TBC1D9B: variants seen among roughly 807,000 people sequenced by gnomAD.
TBC1D9B encodes TBC1 domain family, member 9B (with GRAM domain).
Under a neutral mutation model 121.1 loss-of-function variants are expected in TBC1D9B, and 87 were observed. The ratio of observed to expected loss-of-function variants is 0.72; its 90% CI spans 0.60 to 0.86. The LOEUF (loss-of-function observed/expected upper bound fraction) is 0.86. TBC1D9B is among the 40% of genes least tolerant of loss of function. The probability of loss-of-function intolerance (pLI) is 0.00; values close to 1 mark genes in which losing one functional copy is unlikely to be tolerated. For synonymous variants in TBC1D9B, 668 were observed against 670.1 expected (o/e 1.00, Z 0.05); for missense variants, 1,540 against 1,628.6 (o/e 0.95, Z 0.94).
At chr5:179,905,368 GATA>G (rs1159866366) in intron 1 of TBC1D9B, among the ~76,000 whole-genome samples, 1 of 152,188 alleles carries the variant, frequency 6.6e-6, no homozygotes, top group Admixed American at 6.5e-5. Flanking sequence ...AGAACAGAAA[GATA>G]ATGTCTCCCC....
rs1760283048 is a variant in TBC1D9B, at chr5:179,874,015, TAG to T, written c.2187-769_2187-768del. 6.6e-6 allele frequency among the ~76,000 whole-genome samples: 1 copy of T among 152,142 alleles called. No individual in the cohort carries two copies. Among genetic ancestry groups the T allele is most frequent in the African/African-American group, 2.4e-5 (1 of 41,412 alleles). On this transcript the variant is annotated intron_variant, in intron 12 of 20. Transcript: ENST00000355235. This position sits in a 1 kb window ranked among gnomAD's most constrained non-coding sequence, Gnocchi z 4.3. The stretch of plus-strand genomic sequence containing the variant: ...AGGGAGGTGACAACCCTGCTGGATC[TAG>T]AGAGTCCCAGGCAGCACCTGGCCTG...
At chr5:179,868,045 C>CTTT in intron 17 of TBC1D9B, 196 bp from the exon 18 acceptor site, 10 of 364,922 alleles carry the variant, frequency 2.7e-5, no homozygotes, top group South Asian at 9.7e-5. Flanking sequence ...CTTTCCTCAG[C>CTTT]TTTTTTTTTT....
intron 3 of TBC1D9B, 90 bp from the exon 4 acceptor site, chr5:179,894,704 C>T: frequency 1.5e-6 from 2 of 1,358,090 alleles, no homozygotes; most frequent in Non-Finnish European, 2.1e-6. Context: ...ACCCAGGACT[C>T]ATGGACCTTG....
At position 179,894,573 on chromosome 5, in the gene TBC1D9B, T is replaced by A; in HGVS notation, c.390A>T (p.Gly130=). ...CCTTGAACTTCCCGGGGTCCTCGTC[T>A]CCCTGGGGCTGCAGGTTCTTGTTCT... ...AEENKNLQPQ[G]DEDPGKFKEA... is the part of the protein sequence containing the mutation. The change falls in exon 4 of 21, where the codon GGA becomes GGT. Residue 130 remains glycine, a synonymous_variant. Transcript: ENST00000355235. 6.2e-7 allele frequency: 1 copy of A among 1,614,204 alleles called. No individual in the cohort carries two copies. Among genetic ancestry groups the A allele is most frequent in the Non-Finnish European group, 8.5e-7 (1 of 1,180,028 alleles).
rs1447413891 is a variant in TBC1D9B, at chr5:179,907,481, G to A, written c.118+223C>T. 6.6e-6 allele frequency among the ~76,000 whole-genome samples: 1 copy of A among 151,220 alleles called. No homozygotes were observed. Among genetic ancestry groups the A allele is most frequent in the Non-Finnish European group, 1.5e-5 (1 of 67,514 alleles). ...GCCGACCTGAGGAGAGCCCGCCGAGGGCGCATTCGCCTCCCGCCAGCCCCT... is the reference window on the plus strand; with the variant it reads ...GCCGACCTGAGGAGAGCCCGCCGAGAGCGCATTCGCCTCCCGCCAGCCCCT... On this transcript the variant is annotated intron_variant, in intron 1 of 20. Transcript: ENST00000355235. This position sits in a 1 kb window ranked among gnomAD's most constrained non-coding sequence, Gnocchi z 5.3.
At position 179,907,809 on chromosome 5, in the gene TBC1D9B, G is replaced by T; in HGVS notation, c.13C>A (p.Pro5Thr). The T allele has an allele frequency of 8.4e-7, 1 of 1,196,480 alleles. No individual in the cohort carries two copies. 74.1% of individuals were successfully genotyped at this position (1,196,480 alleles called of 1,614,324 possible). ...GCATTGGCCACCAGCACCTCCTCCG[G>T]GCTCAGCCACATCGCGGAGCCGCTC... is the stretch of plus-strand genomic sequence containing the variant. Reference protein sequence around the residue: MWLSPEEVLVANALW... With the variant: MWLSTEEVLVANALW... The change falls in exon 1 of 21, where the codon CCG becomes ACG. Residue 5 changes from proline to threonine, a missense_variant. Coordinates refer to ENST00000355235, the MANE Select transcript of TBC1D9B (RefSeq NM_015043.4). The surrounding 1 kb of genome is among the most constrained non-coding windows in gnomAD (Gnocchi z 5.3).
intron 18 of TBC1D9B, chr5:179,867,335 G>A (rs1232602842): frequency 2.8e-5 from 34 of 1,234,026 alleles, no homozygotes; most frequent in Non-Finnish European, 3.8e-5. Context: ...TTATGCCCCA[G>A]AGGATGAAGT....
Position 179,891,594 on chromosome 5 carries a change from A to G in TBC1D9B, c.837-8T>C. 1 of 1,611,602 alleles carries G rather than the reference A, an allele frequency of 6.2e-7. No homozygotes were observed. The highest frequency in any genetic ancestry group is 1.1e-5 in the South Asian group (1 of 91,016). On this transcript the variant is annotated splice_region_variant and splice_polypyrimidine_tract_variant and intron_variant, in intron 5 of 20. Coordinates refer to ENST00000355235, the MANE Select transcript of TBC1D9B (RefSeq NM_015043.4). The surrounding 1 kb of genome is among the most constrained non-coding windows in gnomAD (Gnocchi z 4.3). ...GCTCGGGCGTCCAGGTCTCTGGGGA[A>G]ACAAGGTAGGAGGACAGGAGGAAAG...
intron 17 of TBC1D9B, chr5:179,869,141 C>T (rs1169319847): frequency 6.9e-5 from 12 of 173,116 alleles, no homozygotes; most frequent in East Asian, 5.0e-4. Flanking sequence ...GATGGCAAAG[C>T]GACAGCAGGG....
chr5:179,880,125 G>A, intron 7 of TBC1D9B: 1 of 328,840 alleles, frequency 3.0e-6, no homozygotes, highest in Non-Finnish European at 5.6e-6. Flanking sequence ...TAACGTGGAG[G>A]CACACCCCTG....
chr5:179,865,243 G>T lies in TBC1D9B; in HGVS notation c.3021+11C>A. The T allele has an allele frequency of 6.2e-7, 1 of 1,611,406 alleles. No individual in the cohort carries two copies. The highest frequency in any genetic ancestry group is 8.5e-7 in the Non-Finnish European group (1 of 1,177,482). ...CCAGAAATGTCTACTGTGGGCTCCA[G>T]TGGAGCCTACCTGGTTCATCTTGGG... On this transcript the variant is annotated intron_variant, in intron 20 of 20. Coordinates refer to ENST00000355235, the MANE Select transcript of TBC1D9B (RefSeq NM_015043.4). This position sits in a 1 kb window ranked among gnomAD's most constrained non-coding sequence, Gnocchi z 5.1.
At chr5:179,899,514 C>G (rs1238967043) in intron 2 of TBC1D9B, among the ~76,000 whole-genome samples, 1 of 152,176 alleles carries the variant, frequency 6.6e-6, no homozygotes. Flanking sequence ...AATTAAACGT[C>G]CAGGCTGAAT....
At chr5:179,867,293 G>T in intron 18 of TBC1D9B, 1 of 831,836 alleles carries the variant, frequency 1.2e-6, no homozygotes, top group Non-Finnish European at 1.9e-6. Flanking sequence ...GCGGTGCAGA[G>T]GAGTGGCTTG....
At chr5:179,864,642 C>T (rs1561631005) in intron 20 of TBC1D9B, among the ~76,000 whole-genome samples, 2 of 152,144 alleles carry the variant, frequency 1.3e-5, no homozygotes, top group Admixed American at 1.3e-4. Flanking sequence ...CACGTCTAGG[C>T]CTCCTGGCCC....
chr5:179,899,635 T>C (rs1013251911), intron 2 of TBC1D9B, among the ~76,000 whole-genome samples: 3 of 152,218 alleles, frequency 2.0e-5, no homozygotes, highest in Non-Finnish European at 2.9e-5. Flanking sequence ...GCTTGCTAAC[T>C]TACACTTTTC....
intron 3 of TBC1D9B, among the ~76,000 whole-genome samples, chr5:179,897,756 C>T (rs1176796925): frequency 6.6e-6 from 1 of 152,230 alleles, no homozygotes; most frequent in East Asian, 1.9e-4. Flanking sequence ...TTATTATCAT[C>T]GCCCAATTGC....
Position 179,865,290 on chromosome 5 carries a change from C to T in TBC1D9B, c.2985G>A (p.Gln995=), listed in dbSNP as rs776974848. 2 of 1,614,182 alleles carry T rather than the reference C, an allele frequency of 1.2e-6. No homozygotes were observed. The highest frequency in any genetic ancestry group is 1.7e-6 in the Non-Finnish European group (2 of 1,180,036). The change falls in exon 20 of 21, where the codon CAG becomes CAA. Residue 995 remains glutamine (Q), a synonymous_variant. Coordinates refer to ENST00000355235, the MANE Select transcript of TBC1D9B (RefSeq NM_015043.4). This position sits in a 1 kb window ranked among gnomAD's most constrained non-coding sequence, Gnocchi z 5.1. ...LRMWAKEKEA[Q]KETIKDLPKM... ...TGGGAAGATCCTTAATCGTCTCCTT[C>T]TGAGCCTCTTTCTCCTTGGCCCACA...
At position 179,894,461 on chromosome 5, in the gene TBC1D9B, G is replaced by C; in HGVS notation, c.502C>G (p.Arg168Gly). The C allele has an allele frequency of 6.2e-7, 1 of 1,614,160 alleles. No individual in the cohort carries two copies. The highest frequency in any genetic ancestry group is 8.5e-7 in the Non-Finnish European group (1 of 1,180,008). ...TACAGCCAGCCCTGCCGGGGCACGCGGCCCTTCCAGTAGCTGCAGGAGTAG... is the reference window on the plus strand; with the variant it reads ...TACAGCCAGCCCTGCCGGGGCACGCCGCCCTTCCAGTAGCTGCAGGAGTAG... ...NYYSCSYWKG[R>G]VPRQGWLYLT... is the part of the protein sequence containing the mutation. The change falls in exon 4 of 21, where the codon CGC (arginine) becomes GGC (glycine). Residue 168 changes from arginine (R) to glycine (G), a missense_variant. By Grantham distance (125) the Arg-to-Gly change is moderately radical (BLOSUM62 -2). Coordinates refer to ENST00000355235, the MANE Select transcript of TBC1D9B (RefSeq NM_015043.4).
At position 179,863,954 on chromosome 5, in the gene TBC1D9B, C is replaced by T. The variant is rs541008254; in HGVS notation, c.3196G>A (p.Glu1066Lys). 1.6e-4 allele frequency: 253 copies of T among 1,613,850 alleles called. No individual in the cohort carries two copies. The South Asian group carries it at 2.7e-3, about 17-fold the overall frequency. The part of the protein sequence containing the change: ...GRKPRDCATE[E>K]DEPPAPELHQ... ...AGTTCGGGTGCTGGTGGCTCGTCCT[C>T]CTCAGTGGCACAGTCCCTGGGCTTC... The change falls in exon 21 of 21, where the codon GAG becomes AAG. Residue 1066 changes from glutamate (E) to lysine (K), a missense_variant. Transcript: ENST00000355235. This position sits in a 1 kb window ranked among gnomAD's most constrained non-coding sequence, Gnocchi z 4.5.
Sources: gnomAD v4.1 joint callset for allele counts (sites outside exome capture counted in the v4.1 genomes callset) on GRCh38, gnomAD v4.1.1 for gene constraint, Gnocchi (gnomAD v3.1) non-coding constraint, MANE v1.5 for transcripts, NCBI Gene and HGNC (gene_info 2026-07-23, HGNC 2026-07-21) for gene names.